CENPF: variants seen among roughly 807,000 people sequenced by gnomAD.
The protein encoded by CENPF is centromere protein F.
Under a neutral mutation model 307.3 loss-of-function variants are expected in CENPF, and 214 were observed. The observed-to-expected ratio is 0.70, with a 90% CI of 0.62 to 0.78. The LOEUF (loss-of-function observed/expected upper bound fraction) is 0.78. CENPF is among the 30% of genes least tolerant of loss of function. The pLI is 0.00. For synonymous variants in CENPF, 1,259 were observed against 1,270.6 expected (o/e 0.99, Z 0.19); for missense variants, 3,401 against 3,483.9 (o/e 0.98, Z 0.60).
chr1:214,606,667 G>A (rs1353247939), intron 1 of CENPF, among the ~76,000 whole-genome samples: 1 of 152,106 alleles, frequency 6.6e-6, no homozygotes, highest in Non-Finnish European at 1.5e-5. Context: ...CGTGGCTGCG[G>A]AGGTGGCACC....
At chr1:214,660,756 C>G (rs1171059182) in intron 19 of CENPF, among the ~76,000 whole-genome samples, 1 of 152,206 alleles carries the variant, frequency 6.6e-6, no homozygotes, top group East Asian at 1.9e-4. Flanking sequence ...ATAGCTGGTA[C>G]TCTATGCCTC....
At chr1:214,651,936 C>T in intron 15 of CENPF, 50 bp downstream of exon 15, 3 of 1,446,510 alleles carry the variant, frequency 2.1e-6, no homozygotes, top group Non-Finnish European at 2.8e-6. Context: ...GTATTTTGAT[C>T]ATGGTAAGGC....
chr1:214,604,315 T>C (rs1468183727), intron 1 of CENPF, among the ~76,000 whole-genome samples: 4 of 152,192 alleles, frequency 2.6e-5, no homozygotes, highest in African/African-American at 9.6e-5. Flanking sequence ...AAGTCCTCCA[T>C]GCAGGAACCT....
chr1:214,607,904 G>A (rs1348936742), intron 1 of CENPF, among the ~76,000 whole-genome samples: 1 of 152,174 alleles, frequency 6.6e-6, no homozygotes, highest in Non-Finnish European at 1.5e-5. Context: ...GCCAGGCCTC[G>A]GGACCTGGAT....
chr1:214,648,093 A>G (rs1403537087), intron 13 of CENPF: 2 of 373,638 alleles, frequency 5.4e-6, no homozygotes, highest in African/African-American at 2.1e-5. Flanking sequence ...TTGCTGAACA[A>G]ATATTAAAGA....
At chr1:214,617,774 A>G (rs1327032500) in intron 3 of CENPF, among the ~76,000 whole-genome samples, 3 of 152,214 alleles carry the variant, frequency 2.0e-5, no homozygotes, top group African/African-American at 7.2e-5. Flanking sequence ...ATTTGAGCCC[A>G]TGCTTCAATG....
At position 214,663,879 on chromosome 1, in the gene CENPF, G is replaced by T; in HGVS notation, c.*85G>T. On this transcript the variant is annotated 3_prime_UTR_variant, in exon 20 of 20. Transcript: ENST00000366955. ...CCTACAGGACTTCTCTTTAGTCAGG[G>T]CATGCTTTATTAGTGAGGAGAAAAC... The T allele has an allele frequency of 9.4e-7, 1 of 1,065,566 alleles. No homozygotes were observed. Among genetic ancestry groups the T allele is most frequent in the Non-Finnish European group, 1.4e-6 (1 of 731,654 alleles). 66.0% of individuals were successfully genotyped at this position (1,065,566 alleles called of 1,614,324 possible). A position where few individuals can be genotyped will look rare whatever the true frequency, so the allele number is the denominator to read the frequency against.
chr1:214,613,642 T>C, intron 1 of CENPF, 72 bp from the exon 2 acceptor site: 3 of 1,126,672 alleles, frequency 2.7e-6, no homozygotes, highest in Non-Finnish European at 2.5e-6. Context: ...GGTGGTTAGA[T>C]AGATTCATTA....
At chr1:214,647,964 T>C (rs1449075789) in intron 13 of CENPF, 3 of 503,808 alleles carry the variant, frequency 6.0e-6, no homozygotes, top group East Asian at 5.5e-5. Context: ...TCTATTGTAT[T>C]AGTTGATGAT....
intron 10 of CENPF, among the ~76,000 whole-genome samples, chr1:214,635,718 A>G (rs879393150): frequency 2.2e-4 from 33 of 152,162 alleles, no homozygotes; most frequent in Admixed American, 1.3e-3. Flanking sequence ...TTTCTTCGTT[A>G]GACACAAATA....
intron 1 of CENPF, among the ~76,000 whole-genome samples, chr1:214,604,673 G>A (rs1656977342): frequency 6.6e-6 from 1 of 152,150 alleles, no homozygotes; most frequent in Non-Finnish European, 1.5e-5. Flanking sequence ...GGCAATTACA[G>A]TTGTGTGTCT....
chr1:214,617,566 A>G (rs766583081), intron 3 of CENPF, among the ~76,000 whole-genome samples: 14 of 152,244 alleles, frequency 9.2e-5, no homozygotes, highest in Non-Finnish European at 1.9e-4. Context: ...ACCTTTATAC[A>G]GGGTGTACAT....
intron 3 of CENPF, among the ~76,000 whole-genome samples, chr1:214,617,358 T>C (rs1170990806): frequency 6.6e-6 from 1 of 152,166 alleles, no homozygotes; most frequent in Non-Finnish European, 1.5e-5. Flanking sequence ...TTACTTTCTT[T>C]ACTTCCTGTT....
intron 10 of CENPF, among the ~76,000 whole-genome samples, chr1:214,634,768 G>A (rs1243484579): frequency 2.0e-5 from 3 of 152,130 alleles, no homozygotes; most frequent in Admixed American, 1.3e-4. Flanking sequence ...TTATAATTTT[G>A]CCTGTTCTAT....
At chr1:214,635,317 G>C (rs1260403882) in intron 10 of CENPF, among the ~76,000 whole-genome samples, 1 of 152,200 alleles carries the variant, frequency 6.6e-6, no homozygotes, top group Non-Finnish European at 1.5e-5. Context: ...GCTGAAATTT[G>C]TTTTGTCTGG....
intron 3 of CENPF, among the ~76,000 whole-genome samples, chr1:214,617,130 C>T (rs1657383183): frequency 6.6e-6 from 1 of 151,772 alleles, no homozygotes; most frequent in African/African-American, 2.4e-5. Context: ...CAGCTCACTG[C>T]AACCTCCGCC....
At position 214,645,835 on chromosome 1, in the gene CENPF, G is replaced by A. The variant is rs754606834; in HGVS notation, c.6265G>A (p.Val2089Ile). Residue 2089 changes from valine to isoleucine, a missense_variant, in exon 13 of 20, where the codon GTC (valine) becomes ATC (isoleucine). By Grantham distance (29) the Val-to-Ile change is conservative. Coordinates refer to ENST00000366955, the MANE Select transcript of CENPF (RefSeq NM_016343.4). ...LSESDYEKLN[V>I]SKALEAALVE... ...TGAATCAGATTATGAAAAGCTGAATGTCTCCAAGGCCTTGGAGGCCGCACT... is the reference window on the plus strand; with the variant it reads ...TGAATCAGATTATGAAAAGCTGAATATCTCCAAGGCCTTGGAGGCCGCACT... 6.8e-6 allele frequency: 11 copies of A among 1,614,206 alleles called. No individual in the cohort carries two copies. Among genetic ancestry groups the A allele is most frequent in the Non-Finnish European group, 8.5e-6 (10 of 1,180,036 alleles).
At chr1:214,662,749 T>TTTTTCTC (rs1658819894) in intron 19 of CENPF, among the ~76,000 whole-genome samples, 1 of 152,090 alleles carries the variant, frequency 6.6e-6, no homozygotes, top group Non-Finnish European at 1.5e-5. Context: ...TTTTTTCTCT[T>TTTTTCTC]TTTTGACCGT....
At chr1:214,653,069 T>C in intron 16 of CENPF, 80 bp downstream of exon 16, 1 of 1,281,322 alleles carries the variant, frequency 7.8e-7, no homozygotes, top group Non-Finnish European at 1.1e-6. Context: ...GCATTAAACG[T>C]TTTCATTTTC....
Sources: allele counts gnomAD v4.1 joint callset (sites outside exome capture counted in the v4.1 genomes callset), GRCh38; gene constraint gnomAD v4.1.1; transcripts MANE v1.5; gene names NCBI Gene and HGNC (gene_info 2026-07-23, HGNC 2026-07-21).